CD300LF: variants seen among roughly 807,000 people sequenced by gnomAD.
CD300LF encodes the protein CMRF35-like molecule 1.
A neutral mutation model predicts 32.2 loss-of-function variants in CD300LF; 27 were observed. That is an observed-to-expected ratio of 0.84 (90% CI 0.62 to 1.15). The LOEUF (loss-of-function observed/expected upper bound fraction) is 1.15, where lower values mean the gene tolerates loss of function less well. Among genes scored for constraint, CD300LF ranks in the 50% most tolerant of loss-of-function variants. CD300LF has a pLI of 0.00. For missense variants in CD300LF, 348 were observed against 356.8 expected, an observed-to-expected ratio of 0.98 and a Z score of 0.20; for synonymous variants, 139 against 143.2, an observed-to-expected ratio of 0.97 and a Z score of 0.21.
chr17:74,704,874 T>C, intron 1 of CD300LF, 58 bp from the exon 2 acceptor site: 3 of 1,383,164 alleles, frequency 2.2e-6, no homozygotes, highest in Non-Finnish European at 3.0e-6. Flanking sequence ...GGCCACAGCT[T>C]TCTGTTTAGG....
At chr17:74,705,647 A>C (rs2033444594) in intron 1 of CD300LF, among the ~76,000 whole-genome samples, 1 of 151,890 alleles carries the variant, frequency 6.6e-6, no homozygotes, top group Non-Finnish European at 1.5e-5. Context: ...ACAGTGGCAC[A>C]ATCATGGCTC....
intron 2 of CD300LF, among the ~76,000 whole-genome samples, chr17:74,703,501 A>T (rs1391393528): frequency 6.6e-6 from 1 of 152,176 alleles, no homozygotes; most frequent in East Asian, 1.9e-4. Context: ...ACAGGAGCAG[A>T]GTGGGAACTT....
rs778975955 is a variant in CD300LF, at chr17:74,694,705, G to A, written c.*391C>T. ...AACAGTCACAGGTTCTGAGGATTAG[G>A]ACACAGATATCTTTGGGGGCCATTA... On this transcript the variant is annotated 3_prime_UTR_variant, in exon 7 of 7. Transcript: ENST00000326165. 7 of 162,784 alleles carry A rather than the reference G, an allele frequency of 4.3e-5. No individual in the cohort carries two copies. Among genetic ancestry groups the A allele is most frequent in the South Asian group, 3.7e-4 (2 of 5,428 alleles). 10.1% of individuals were successfully genotyped at this position (162,784 alleles called of 1,614,324 possible). A position where few individuals can be genotyped will look rare whatever the true frequency, so the allele number is the denominator to read the frequency against.
At chr17:74,702,215 T>G (rs2033116899) in intron 3 of CD300LF, among the ~76,000 whole-genome samples, 1 of 150,942 alleles carries the variant, frequency 6.6e-6, no homozygotes. Flanking sequence ...CCAAGGAGAG[T>G]GAAAGGAAGA....
intron 2 of CD300LF, chr17:74,704,273 C>A (rs1378475239): frequency 1.6e-5 from 9 of 580,130 alleles, no homozygotes; most frequent in Non-Finnish European, 2.8e-5. Context: ...AAGGCTTAAT[C>A]CCGTCGTGGA....
At chr17:74,706,389 C>A (rs1305194515) in intron 1 of CD300LF, among the ~76,000 whole-genome samples, 1 of 144,558 alleles carries the variant, frequency 6.9e-6, no homozygotes, top group Non-Finnish European at 1.5e-5. Context: ...TATCCGGAAT[C>A]TTTCAAAGGT....
intron 1 of CD300LF, chr17:74,705,194 AGGG>A: frequency 2.9e-6 from 2 of 698,724 alleles, no homozygotes; most frequent in Non-Finnish European, 5.2e-6. Context: ...CCCTTTCCAC[AGGG>A]TCTTACCTTG....
At chr17:74,701,847 CAAAAAAAAA>C (rs11321122) in intron 3 of CD300LF, among the ~76,000 whole-genome samples, 2 of 86,678 alleles carry the variant, frequency 2.3e-5, no homozygotes, top group South Asian at 7.7e-4. Flanking sequence ...GAGAATCCGT[CAAAAAAAAA>C]AAAAAAAAAA....
Position 74,696,988 on chromosome 17 carries a change from C to T in CD300LF, c.560-771G>A, listed in dbSNP as rs144299912. ...TGGAGTTTCTCTCTTGTCACCCATGCCGGAGGGCAATGGCACCATCTTGGC... is the reference window on the plus strand; with the variant it reads ...TGGAGTTTCTCTCTTGTCACCCATGTCGGAGGGCAATGGCACCATCTTGGC... On this transcript the variant is annotated intron_variant, in intron 4 of 6. Transcript: ENST00000326165. Among the ~76,000 whole-genome samples, 225 of 152,236 alleles carry T rather than the reference C, an allele frequency of 1.5e-3. 4 individuals carry two copies. The Middle Eastern group carries it at 0.024, about 16-fold the overall frequency.
chr17:74,708,331 T>G (rs1419862932), intron 1 of CD300LF, among the ~76,000 whole-genome samples: 2 of 152,216 alleles, frequency 1.3e-5, no homozygotes, highest in East Asian at 3.9e-4. Flanking sequence ...AATGGAAATA[T>G]TTACCAAACA....
At chr17:74,697,905 A>G (rs2032651675) in intron 4 of CD300LF, among the ~76,000 whole-genome samples, 1 of 152,156 alleles carries the variant, frequency 6.6e-6, no homozygotes, top group South Asian at 2.1e-4. Flanking sequence ...TGTGGGATCC[A>G]TGCAGTGTGT....
rs1323900668 is a variant in CD300LF at position 74,695,268 on chromosome 17, C to T, written c.718-17G>A. On this transcript the variant is annotated splice_polypyrimidine_tract_variant and intron_variant, in intron 6 of 6. Transcript: ENST00000326165. ...CAAGGAAGCCTGCAGCAAAGGCGGG[C>T]TCCAGGTCAGAGAGGACGGCAGGAA... is the stretch of plus-strand genomic sequence containing the variant. The T allele has an allele frequency of 1.9e-6, 3 of 1,613,384 alleles. No individual in the cohort carries two copies. Among genetic ancestry groups the T allele is most frequent in the Non-Finnish European group, 2.5e-6 (3 of 1,179,586 alleles).
chr17:74,707,321 A>G (rs2033599476), intron 1 of CD300LF, among the ~76,000 whole-genome samples: 1 of 152,246 alleles, frequency 6.6e-6, no homozygotes, highest in Non-Finnish European at 1.5e-5. Context: ...AAAACTGGGC[A>G]AGGAATCTGA....
At chr17:74,706,014 G>T (rs2033475937) in intron 1 of CD300LF, among the ~76,000 whole-genome samples, 1 of 152,170 alleles carries the variant, frequency 6.6e-6, no homozygotes, top group Non-Finnish European at 1.5e-5. Context: ...AATACCGCAT[G>T]TTCTCACTTA....
chr17:74,706,286 T>A (rs577423822), intron 1 of CD300LF, among the ~76,000 whole-genome samples: 79 of 147,502 alleles, frequency 5.4e-4, no homozygotes, highest in African/African-American at 1.7e-3. Flanking sequence ...AAAAAAAATA[T>A]ATATATATAT....
intron 2 of CD300LF, 79 bp from the exon 3 acceptor site, chr17:74,703,177 C>T: frequency 6.3e-7 from 1 of 1,576,326 alleles, no homozygotes; most frequent in Non-Finnish European, 8.7e-7. Flanking sequence ...AACCAGATCA[C>T]AGATGCCCCT....
chr17:74,698,328 C>T (rs2032706227), intron 4 of CD300LF, 41 bp downstream of exon 4: 4 of 1,416,916 alleles, frequency 2.8e-6, no homozygotes, highest in Non-Finnish European at 4.0e-6. Flanking sequence ...TCCCCAGCCA[C>T]CCGGCCCAGT....
intron 3 of CD300LF, among the ~76,000 whole-genome samples, chr17:74,700,467 G>T (rs780005505): frequency 6.6e-6 from 1 of 152,060 alleles, no homozygotes; most frequent in African/African-American, 2.4e-5. Context: ...TCGACTGAGC[G>T]CGGTGGCTTA....
At chr17:74,704,011 G>A (rs528007790) in intron 2 of CD300LF, among the ~76,000 whole-genome samples, 5 of 152,308 alleles carry the variant, frequency 3.3e-5, no homozygotes, top group South Asian at 2.1e-4. Flanking sequence ...CCAGCACCCC[G>A]ACTATGCTGA....
Sources: allele counts gnomAD v4.1 joint callset (sites outside exome capture counted in the v4.1 genomes callset), GRCh38; gene constraint gnomAD v4.1.1; transcripts MANE v1.5; gene names NCBI Gene and HGNC (gene_info 2026-07-23, HGNC 2026-07-21).